The following ZSCAN22 variants were observed in gnomAD, a reference collection of about 807,000 sequenced individuals.
ZSCAN22 encodes the protein zinc finger and SCAN domain-containing protein 22.
ZSCAN22 carries 7 observed loss-of-function variants against 12.4 expected under a neutral mutation model. The observed-to-expected ratio is 0.57, with a 90% CI of 0.32 to 1.06. The LOEUF is 1.06. ZSCAN22 is among the 50% of genes least tolerant of loss of function. ZSCAN22 has a pLI of 0.04. For synonymous variants in ZSCAN22, 243 were observed against 255.9 expected (o/e 0.95, Z 0.48); for missense variants, 576 against 631.7 (o/e 0.91, Z 0.94).
intron 2 of ZSCAN22, among the ~76,000 whole-genome samples, chr19:58,337,112 T>C (rs1196001692): frequency 6.6e-6 from 1 of 152,228 alleles, no homozygotes; most frequent in Non-Finnish European, 1.5e-5. Context: ...TCTGCCTTCA[T>C]AGTACTTTAC....
intron 2 of ZSCAN22, among the ~76,000 whole-genome samples, chr19:58,337,047 C>T (rs1015526183): frequency 9.9e-5 from 15 of 152,174 alleles, no homozygotes; most frequent in African/African-American, 2.7e-4. Flanking sequence ...CAGGTCAGTG[C>T]GAGCATTCCT....
chr19:58,337,169 C>G (rs934906615), intron 2 of ZSCAN22, among the ~76,000 whole-genome samples: 7 of 152,246 alleles, frequency 4.6e-5, no homozygotes, highest in African/African-American at 7.2e-5. Flanking sequence ...GTACTCACCC[C>G]CAGCAGCCAT....
chr19:58,337,202 C>T (rs914805850), intron 2 of ZSCAN22, among the ~76,000 whole-genome samples: 17 of 152,226 alleles, frequency 1.1e-4, no homozygotes, highest in African/African-American at 4.1e-4. Flanking sequence ...GTTCTACTTG[C>T]AGAAATTTTC....
At chr19:58,334,028 G>A (rs146877913) in intron 1 of ZSCAN22, among the ~76,000 whole-genome samples, 94 of 152,312 alleles carry the variant, frequency 6.2e-4, no homozygotes, top group African/African-American at 2.0e-3. Flanking sequence ...GAGGAAAGGC[G>A]AAAGTCAATT....
chr19:58,335,175 G>A lies in ZSCAN22; in HGVS notation c.373G>A (p.Glu125Lys). Reference protein sequence around the residue: ...KSGEEAAVLVEDLTQVLDKRG... With the variant: ...KSGEEAAVLVKDLTQVLDKRG... ...CGGAGAGGAAGCCGCTGTGCTGGTGGAGGATCTGACTCAGGTGCTGGACAA... is the reference window on the plus strand; with the variant it reads ...CGGAGAGGAAGCCGCTGTGCTGGTGAAGGATCTGACTCAGGTGCTGGACAA... Residue 125 changes from glutamate (E) to lysine (K), a missense_variant, in exon 2 of 3, where the codon GAG becomes AAG. Glu to Lys is a moderately conservative substitution (Grantham distance 56). Coordinates refer to ENST00000329665, the MANE Select transcript of ZSCAN22 (RefSeq NM_181846.3). The surrounding 1 kb of genome is among the most constrained non-coding windows in gnomAD (Gnocchi z 4.1). The A allele has an allele frequency of 1.9e-6, 3 of 1,609,198 alleles. No individual in the cohort carries two copies. Among genetic ancestry groups the A allele is most frequent in the Non-Finnish European group, 2.5e-6 (3 of 1,177,318 alleles).
rs150923305 is a variant in ZSCAN22, at chr19:58,333,641, C to T, written c.-51-1111C>T. Among the ~76,000 whole-genome samples, 791 of 152,222 alleles carry T rather than the reference C, an allele frequency of 5.2e-3. 8 individuals carry two copies. The highest frequency in any genetic ancestry group is 0.018 in the African/African-American group (742 of 41,542). On this transcript the variant is annotated intron_variant, in intron 1 of 2. Coordinates refer to ENST00000329665, the MANE Select transcript of ZSCAN22 (RefSeq NM_181846.3). ...GGCAGATCGCTTGAGGTCAGGAGTT[C>T]GAGACCAGCCCCGCCAACATGGCAA...
In ZSCAN22 at chr19:58,329,228, G is replaced by C. The variant is rs1442473199; in HGVS notation, c.-52+2114G>C. ...AGAGGTCACCAGCGGTCACCAAAAG[G>C]TTTCAGGATTGGGGTCTTGTTTTAG... On this transcript the variant is annotated intron_variant, in intron 1 of 2. Coordinates refer to ENST00000329665, the MANE Select transcript of ZSCAN22 (RefSeq NM_181846.3). The surrounding 1 kb of genome is among the most constrained non-coding windows in gnomAD (Gnocchi z 4.1). 6.6e-6 allele frequency among the ~76,000 whole-genome samples: 1 copy of C among 152,146 alleles called. No individual in the cohort carries two copies. Among genetic ancestry groups the C allele is most frequent in the Non-Finnish European group, 1.5e-5 (1 of 68,032 alleles).
At chr19:58,328,584 GAAAAGAACCACC>G (rs1417959113) in intron 1 of ZSCAN22, among the ~76,000 whole-genome samples, 22 of 152,212 alleles carry the variant, frequency 1.4e-4, no homozygotes, top group Non-Finnish European at 2.9e-4. Flanking sequence ...TGTGAGAAAT[GAAAAGAACCACC>G]CTCCTTGGTT....
rs745980220 is a variant in ZSCAN22, at chr19:58,338,635, A to T, written c.785A>T (p.Tyr262Phe). 6.2e-7 allele frequency: 1 copy of T among 1,614,176 alleles called. No homozygotes were observed. The highest frequency in any genetic ancestry group is 8.5e-7 in the Non-Finnish European group (1 of 1,180,034). The change falls in exon 3 of 3, where the codon TAC becomes TTC. Residue 262 changes from tyrosine (Y) to phenylalanine (F), a missense_variant. Tyr to Phe is a conservative substitution (Grantham distance 22, BLOSUM62 3). Coordinates refer to ENST00000329665, the MANE Select transcript of ZSCAN22 (RefSeq NM_181846.3). The surrounding 1 kb of genome is among the most constrained non-coding windows in gnomAD (Gnocchi z 5.4). Reference sequence around the variant, plus strand: ...TATGGGACAGAGCCTCCATACACCTACTCAGGGAAGAGGTCCTCCAAGTGT... The same window carrying T: ...TATGGGACAGAGCCTCCATACACCTTCTCAGGGAAGAGGTCCTCCAAGTGT... ...DAYGTEPPYT[Y>F]SGKRSSKCRE... is the part of the protein sequence containing the mutation.
chr19:58,337,020 T>C (rs1002852298), intron 2 of ZSCAN22, among the ~76,000 whole-genome samples: 8 of 152,218 alleles, frequency 5.3e-5, no homozygotes, highest in South Asian at 4.1e-4. Context: ...TTATGTGTCC[T>C]TTGCACCCAT....
rs2051865800 is a variant in ZSCAN22 at position 58,340,787 on chromosome 19, CTT to C, written c.*1465_*1466del. The C allele has an allele frequency of 6.6e-6, 1 of 152,064 alleles. No homozygotes were observed. Among genetic ancestry groups the C allele is most frequent in the Non-Finnish European group, 1.5e-5 (1 of 68,048 alleles). The allele number at this position is 152,064 out of a possible 1,614,324, so 9.4% of individuals were successfully genotyped here. A position where few individuals can be genotyped will look rare whatever the true frequency, so the allele number is the denominator to read the frequency against. ...GCGTGAGCCACCGCACCTGGCCCTCCTTTTTCATCTAAGGTGTTTCAAATGTT... is the reference window on the plus strand; with the variant it reads ...GCGTGAGCCACCGCACCTGGCCCTCCTTTCATCTAAGGTGTTTCAAATGTT... On this transcript the variant is annotated 3_prime_UTR_variant, in exon 3 of 3. Transcript: ENST00000329665.
Position 58,341,051 on chromosome 19 carries a change from T to C in ZSCAN22, c.*1725T>C, listed in dbSNP as rs2051869028. 2 of 152,148 alleles carry C rather than the reference T, an allele frequency of 1.3e-5. No homozygotes were observed. Among genetic ancestry groups the C allele is most frequent in the African/African-American group, 4.8e-5 (2 of 41,432 alleles). 9.4% of individuals were successfully genotyped at this position (152,148 alleles called of 1,614,324 possible). ...CCCTGACTGATGTCTCTTACATGAA[T>C]GTGACTGGTGCCCCCAGGAGGCAGT... On this transcript the variant is annotated 3_prime_UTR_variant, in exon 3 of 3. Coordinates refer to ENST00000329665, the MANE Select transcript of ZSCAN22 (RefSeq NM_181846.3).
Position 58,335,696 on chromosome 19 carries a change from C to G in ZSCAN22, c.403+491C>G, listed in dbSNP as rs1185578505. Among the ~76,000 whole-genome samples the G allele has an allele frequency of 6.6e-6, 1 of 152,196 alleles. No individual in the cohort carries two copies. The highest frequency in any genetic ancestry group is 2.4e-5 in the African/African-American group (1 of 41,450). ...TGGCCAACCAAATCCCAGGGACTAA[C>G]AGTGAGCAACTGGCTGTTTCTCAGA... On this transcript the variant is annotated intron_variant, in intron 2 of 2. Transcript: ENST00000329665. This position sits in a 1 kb window ranked among gnomAD's most constrained non-coding sequence, Gnocchi z 4.1.
chr19:58,341,548 G>C lies in ZSCAN22; in HGVS notation c.*2222G>C, dbSNP rs2051875920. 1 of 152,172 alleles carries C rather than the reference G, an allele frequency of 6.6e-6. No homozygotes were observed. Among genetic ancestry groups the C allele is most frequent in the Admixed American group, 6.5e-5 (1 of 15,270 alleles). 9.4% of individuals were successfully genotyped at this position (152,172 alleles called of 1,614,324 possible). ...ATTCCCTCTATGTCAAGAGTAAATA[G>C]AGGCACAGAGACTGATGAGAAACGT... On this transcript the variant is annotated 3_prime_UTR_variant, in exon 3 of 3. Transcript: ENST00000329665.
chr19:58,338,340 C>G lies in ZSCAN22; in HGVS notation c.490C>G (p.Leu164Val). The G allele has an allele frequency of 1.2e-6, 2 of 1,614,118 alleles. No homozygotes were observed. The highest frequency in any genetic ancestry group is 1.7e-6 in the Non-Finnish European group (2 of 1,179,994). ...AGAGCCATCAAATGTCACTGAGACCCTCATGGGAGGTGTTTCCCTTGGACC... is the reference window on the plus strand; with the variant it reads ...AGAGCCATCAAATGTCACTGAGACCGTCATGGGAGGTGTTTCCCTTGGACC... ...ESEPSNVTET[L>V]MGGVSLGPAF... Residue 164 changes from leucine to valine, a missense_variant, in exon 3 of 3, where the codon CTC becomes GTC. By Grantham distance (32) the Leu-to-Val change is conservative (BLOSUM62 1). Transcript: ENST00000329665. This position sits in a 1 kb window ranked among gnomAD's most constrained non-coding sequence, Gnocchi z 5.4.
At chr19:58,331,518 G>GTTGTTA (rs1300611906) in intron 1 of ZSCAN22, among the ~76,000 whole-genome samples, 3 of 119,452 alleles carry the variant, frequency 2.5e-5, no homozygotes, top group Non-Finnish European at 5.1e-5. Flanking sequence ...TCCAGCTGAC[G>GTTGTTA]TTATTATTAT....
Position 58,334,851 on chromosome 19 carries a change from A to C in ZSCAN22, c.49A>C (p.Ser17Arg). The change falls in exon 2 of 3, where the codon AGC (serine) becomes CGC (arginine). Residue 17 changes from serine (S) to arginine (R), a missense_variant. Ser to Arg is a moderately radical substitution (Grantham distance 110). Coordinates refer to ENST00000329665, the MANE Select transcript of ZSCAN22 (RefSeq NM_181846.3). Reference protein sequence around the residue: ...SLSPVPWEEDSFLQVKVEEEE... With the variant: ...SLSPVPWEEDRFLQVKVEEEE... ...GAGCCCAGTGCCGTGGGAAGAGGAC[A>C]GCTTCCTTCAAGTGAAGGTGGAGGA... The C allele has an allele frequency of 6.2e-7, 1 of 1,613,724 alleles. No individual in the cohort carries two copies. Among genetic ancestry groups the C allele is most frequent in the Non-Finnish European group, 8.5e-7 (1 of 1,179,992 alleles).
Position 58,338,990 on chromosome 19 carries a change from C to A in ZSCAN22, c.1140C>A (p.Tyr380Ter). 1 of 1,612,700 alleles carries A rather than the reference C, an allele frequency of 6.2e-7. No individual in the cohort carries two copies. The highest frequency in any genetic ancestry group is 8.5e-7 in the Non-Finnish European group (1 of 1,179,142). ...HQRVHTGERP[Y>*]ECDACGKAFS... ...GGGTGCACACGGGGGAGCGGCCCTA[C>A]GAGTGTGACGCGTGTGGGAAAGCCT... Residue 380 changes from tyrosine to a stop codon, truncating the protein, a stop_gained, in exon 3 of 3, where the codon TAC (tyrosine) becomes TAA (stop). Transcript: ENST00000329665. LOFTEE classifies it low-confidence loss of function (END_TRUNC). The surrounding 1 kb of genome is among the most constrained non-coding windows in gnomAD (Gnocchi z 5.4).
At chr19:58,328,950 A>G (rs1488409907) in intron 1 of ZSCAN22, among the ~76,000 whole-genome samples, 1 of 152,168 alleles carries the variant, frequency 6.6e-6, no homozygotes, top group Non-Finnish European at 1.5e-5. Context: ...CTGAGGAAAC[A>G]GTACAGAACT....
Sources: allele counts gnomAD v4.1 joint callset (sites outside exome capture counted in the v4.1 genomes callset), GRCh38; gene constraint gnomAD v4.1.1; non-coding constraint Gnocchi (gnomAD v3.1); transcripts MANE v1.5; gene names NCBI Gene and HGNC (gene_info 2026-07-23, HGNC 2026-07-21).